Variants in TBC1D32 observed in about 807,000 individuals in gnomAD.
TBC1D32 encodes protein broad-minded.
TBC1D32 carries 151 observed loss-of-function variants against 170.3 expected under a neutral mutation model. The observed-to-expected ratio is 0.89, with a 90% confidence interval of 0.78 to 1.01. TBC1D32 has a LOEUF of 1.01. Ranked by LOEUF, TBC1D32 falls within the 50% of genes least tolerant of loss-of-function variation. TBC1D32 has a pLI of 0.00. For missense variants in TBC1D32, 1,464 were observed against 1,457.1 expected, an observed-to-expected ratio of 1.00 and a Z score of -0.08; for synonymous variants, 498 against 488.0, an observed-to-expected ratio of 1.02 and a Z score of -0.27.
In TBC1D32 at chr6:121,112,946, C is replaced by A. The variant is rs1451561813; in HGVS notation, c.3169+116G>T. On this transcript the variant is annotated intron_variant, in intron 28 of 31. Transcript: ENST00000398212. The stretch of plus-strand genomic sequence containing the variant: ...ACTGTAAGAATATATCATAACAAAT[C>A]ACTAATATAGCTTAAAGTACTACTT... The A allele has an allele frequency of 4.0e-6, 3 of 746,728 alleles. No homozygotes were observed. The East Asian group carries it at 8.4e-5, about 21-fold the overall frequency. The allele number at this position is 746,728 out of a possible 1,614,324, so 46.3% of individuals were successfully genotyped here.
At chr6:121,124,578 G>A (rs1780637582) in intron 26 of TBC1D32, among the ~76,000 whole-genome samples, 1 of 151,818 alleles carries the variant, frequency 6.6e-6, no homozygotes, top group Non-Finnish European at 1.5e-5. Flanking sequence ...ATTTTTCCAG[G>A]TTTGGAAATA....
intron 19 of TBC1D32, among the ~76,000 whole-genome samples, chr6:121,240,604 A>G (rs952197644): frequency 4.0e-5 from 6 of 151,698 alleles, no homozygotes; most frequent in African/African-American, 1.5e-4. Flanking sequence ...TATAAGACAT[A>G]TTGGCCGGGT....
At chr6:121,250,521 C>T (rs140467460) in intron 17 of TBC1D32, among the ~76,000 whole-genome samples, 2,667 of 151,980 alleles carry the variant, frequency 0.018, 29 homozygotes, top group South Asian at 0.042. Context: ...AAAAGGCCTT[C>T]GATAAAATTC....
rs746242313 is a variant in TBC1D32, at chr6:121,112,644, T to G, written c.3185A>C (p.Asn1062Thr). The G allele has an allele frequency of 1.6e-5, 25 of 1,585,004 alleles. No homozygotes were observed. The highest frequency in any genetic ancestry group is 2.1e-5 in the Non-Finnish European group (25 of 1,167,006). ...IKSSLLCLQG[N>T]YAGHDWFVSS... is the part of the protein sequence containing the mutation. Reference sequence around the variant, plus strand: ...TACAAACCAGTCATGGCCAGCATAATTCCCTTGCAGGCAGACTGAAAAACA... The same window carrying G: ...TACAAACCAGTCATGGCCAGCATAAGTCCCTTGCAGGCAGACTGAAAAACA... Residue 1062 changes from asparagine to threonine, a missense_variant, in exon 29 of 32, where the codon AAT (asparagine) becomes ACT (threonine). Physicochemically the swap from Asn to Thr is moderately conservative, Grantham distance 65. Transcript: ENST00000398212.
chr6:121,206,127 T>G (rs2128305692), intron 21 of TBC1D32, among the ~76,000 whole-genome samples: 2 of 151,830 alleles, frequency 1.3e-5, no homozygotes, highest in East Asian at 3.9e-4. Context: ...GGAGAATTGC[T>G]TGAATCCAGG....
intron 15 of TBC1D32, among the ~76,000 whole-genome samples, chr6:121,268,446 T>A (rs143179352): frequency 6.6e-6 from 1 of 152,036 alleles, no homozygotes; most frequent in Non-Finnish European, 1.5e-5. Context: ...AACCATGGCA[T>A]GAGAACTACG....
intron 15 of TBC1D32, among the ~76,000 whole-genome samples, chr6:121,271,079 C>T (rs974337063): frequency 6.6e-6 from 1 of 152,142 alleles, no homozygotes; most frequent in Admixed American, 6.5e-5. Flanking sequence ...ATGCTAAAAA[C>T]TCTCAATAAA....
rs561509033 is a variant in TBC1D32 at position 121,079,892 on chromosome 6, C to G, written c.*879G>C. The G allele has an allele frequency of 1.3e-5, 2 of 152,216 alleles. No individual in the cohort carries two copies. The highest frequency in any genetic ancestry group is 4.1e-4 in the South Asian group (2 of 4,822). The allele number at this position is 152,216 out of a possible 1,614,324, so 9.4% of individuals were successfully genotyped here. On this transcript the variant is annotated 3_prime_UTR_variant, in exon 32 of 32. Coordinates refer to ENST00000398212, the MANE Select transcript of TBC1D32 (RefSeq NM_152730.6). ...ATCTCTTCAATGAACCATGTAAAGA[C>G]TTCATTTCAAACAAAGAATTATAAA...
chr6:121,094,932 CAATA>C (rs146260589), intron 30 of TBC1D32, among the ~76,000 whole-genome samples: 11,485 of 152,012 alleles, frequency 0.076, 838 homozygotes, highest in African/African-American at 0.2. Context: ...CTGTGTTAAA[CAATA>C]AATAGACATG....
chr6:121,154,134 G>A (rs746500665), intron 24 of TBC1D32, among the ~76,000 whole-genome samples: 1 of 152,056 alleles, frequency 6.6e-6, no homozygotes. Context: ...GGCACCCAAG[G>A]GAATCTCCTA....
intron 26 of TBC1D32, among the ~76,000 whole-genome samples, chr6:121,116,203 G>T (rs1779662853): frequency 6.7e-6 from 1 of 149,624 alleles, no homozygotes; most frequent in Non-Finnish European, 1.5e-5. Flanking sequence ...ACACATTGGT[G>T]TTTCTCATAC....
At chr6:121,303,120 G>A (rs1806727996) in intron 9 of TBC1D32, among the ~76,000 whole-genome samples, 1 of 152,098 alleles carries the variant, frequency 6.6e-6, no homozygotes, top group African/African-American at 2.4e-5. Context: ...CTTACTAGTA[G>A]TTTCAGTTTC....
Position 121,080,762 on chromosome 6 carries a change from T to C in TBC1D32, c.*9A>G, listed in dbSNP as rs909486420. 3.7e-6 allele frequency: 6 copies of C among 1,603,174 alleles called. No homozygotes were observed. The highest frequency in any genetic ancestry group is 1.1e-5 in the South Asian group (1 of 88,626). On this transcript the variant is annotated 3_prime_UTR_variant, in exon 32 of 32. Transcript: ENST00000398212. ...ATAAAACCTAAATTTAAACCGTGTG[T>C]CTCATGATCTATGTGCTCTGCAGTC...
chr6:121,252,582 CA>C (rs754467208), intron 17 of TBC1D32, among the ~76,000 whole-genome samples: 9 of 152,052 alleles, frequency 5.9e-5, no homozygotes, highest in Non-Finnish European at 1.3e-4. Context: ...GGTGGAGAGC[CA>C]GGGGAGGGAG....
chr6:121,325,671 C>T (rs1196945690), intron 1 of TBC1D32, among the ~76,000 whole-genome samples: 1 of 152,156 alleles, frequency 6.6e-6, no homozygotes, highest in African/African-American at 2.4e-5. Context: ...CATAAAAACC[C>T]TAGAAGAAAA....
At chr6:121,268,037 G>A (rs559431684) in intron 15 of TBC1D32, among the ~76,000 whole-genome samples, 38 of 152,224 alleles carry the variant, frequency 2.5e-4, no homozygotes, top group East Asian at 7.7e-4. Context: ...GACCTGCACC[G>A]GAGGGTCCTA....
chr6:121,115,580 C>A, intron 26 of TBC1D32: 1 of 172,872 alleles, frequency 5.8e-6, no homozygotes, highest in African/African-American at 2.4e-5. Flanking sequence ...GCAATGCATA[C>A]ATAAAACTCT....
chr6:121,328,256 T>G (rs1414416414), intron 1 of TBC1D32, among the ~76,000 whole-genome samples: 1 of 151,884 alleles, frequency 6.6e-6, no homozygotes, highest in African/African-American at 2.4e-5. Context: ...TTTTTCTAAC[T>G]GGTTTTTCTA....
chr6:121,284,899 T>C (rs1055895279), intron 12 of TBC1D32, among the ~76,000 whole-genome samples: 5 of 152,140 alleles, frequency 3.3e-5, no homozygotes, highest in Non-Finnish European at 5.9e-5. Flanking sequence ...GTCAATTACC[T>C]ACTGAGTGCT....
Sources: allele counts gnomAD v4.1 joint callset (sites outside exome capture counted in the v4.1 genomes callset), GRCh38; gene constraint gnomAD v4.1.1; transcripts MANE v1.5; gene names NCBI Gene and HGNC (gene_info 2026-07-23, HGNC 2026-07-21).